Variants in SART3 observed in about 807,000 individuals in gnomAD.
SART3 encodes HIV-1 Tat-interacting protein of 110kDa.
A neutral mutation model predicts 122.3 loss-of-function variants in SART3; 44 were observed. The observed-to-expected ratio is 0.36, with a 90% confidence interval of 0.28 to 0.46. SART3 has a LOEUF of 0.46. Among genes scored for constraint, SART3 ranks in the 20% least tolerant of loss-of-function variants. SART3 has a pLI of 1.00. For synonymous variants in SART3, 442 were observed against 454.0 expected, an observed-to-expected ratio of 0.97 and a Z score of 0.34; for missense variants, 1,101 against 1,229.0, an observed-to-expected ratio of 0.90 and a Z score of 1.56.
chr12:108,547,340 G>A (rs1031251121), intron 3 of SART3, among the ~76,000 whole-genome samples: 4 of 151,944 alleles, frequency 2.6e-5, no homozygotes, highest in African/African-American at 9.7e-5. Context: ...CTGGACTGCA[G>A]CAGTGGTTAG....
intron 1 of SART3, among the ~76,000 whole-genome samples, chr12:108,557,836 A>G (rs1331847140): frequency 6.6e-6 from 1 of 152,222 alleles, no homozygotes; most frequent in Admixed American, 6.5e-5. Flanking sequence ...TGCTTTTGTT[A>G]GACAGATACC....
rs905946224 is a variant in SART3 at position 108,523,398 on chromosome 12, G to T, written c.*59C>A. 1.3e-5 allele frequency: 21 copies of T among 1,563,950 alleles called. No individual in the cohort carries two copies. In the African/African-American group the frequency reaches 2.4e-4, roughly 18 times the overall value. On this transcript the variant is annotated 3_prime_UTR_variant, in exon 19 of 19. Transcript: ENST00000546815. ...GTCCATCCCCAGTGCACTGCTGGGTGGTGGGAGGTCCGCCGGGCCAGAGTG... is the reference window on the plus strand; with the variant it reads ...GTCCATCCCCAGTGCACTGCTGGGTTGTGGGAGGTCCGCCGGGCCAGAGTG...
intron 17 of SART3, among the ~76,000 whole-genome samples, chr12:108,525,117 G>A (rs547544920): frequency 1.3e-5 from 2 of 152,318 alleles, no homozygotes; most frequent in South Asian, 2.1e-4. Context: ...GAGAGGCCTG[G>A]GACAGAGGGA....
rs1417169766 is a variant in SART3 at position 108,537,581 on chromosome 12, C to A, written c.1216G>T (p.Ala406Ser). Reference protein sequence around the residue: ...HQVISVTFEKALNAGFIQATD... With the variant: ...HQVISVTFEKSLNAGFIQATD... Reference sequence around the variant, plus strand: ...GCCTGGATGAAGCCGGCATTCAAAGCTTTCTCGAAGGTTACTGGAGTTGGA... The same window carrying A: ...GCCTGGATGAAGCCGGCATTCAAAGATTTCTCGAAGGTTACTGGAGTTGGA... The change falls in exon 9 of 19, where the codon GCT (alanine) becomes TCT (serine). Residue 406 changes from alanine (A) to serine (S), a missense_variant. Transcript: ENST00000546815. 6.2e-7 allele frequency: 1 copy of A among 1,614,024 alleles called. No homozygotes were observed. Among genetic ancestry groups the A allele is most frequent in the Non-Finnish European group, 8.5e-7 (1 of 1,179,914 alleles).
intron 1 of SART3, among the ~76,000 whole-genome samples, chr12:108,550,650 C>G (rs1385890083): frequency 2.6e-5 from 4 of 152,160 alleles, no homozygotes; most frequent in Non-Finnish European, 5.9e-5. Flanking sequence ...ATCATGAGGT[C>G]AGGAGTTCAA....
At chr12:108,530,934 G>A (rs909421487) in intron 14 of SART3, among the ~76,000 whole-genome samples, 1 of 152,016 alleles carries the variant, frequency 6.6e-6, no homozygotes, top group African/African-American at 2.4e-5. Context: ...GCTAAGTGAG[G>A]CTCTTCTTTA....
At chr12:108,544,622 G>T in intron 4 of SART3, 144 bp from the exon 5 acceptor site, 2 of 1,144,494 alleles carry the variant, frequency 1.7e-6, no homozygotes, top group Non-Finnish European at 1.3e-6. Flanking sequence ...GCTGGAGTGT[G>T]GTGGTGTGAT....
Position 108,523,444 on chromosome 12 carries a change from C to T in SART3, c.*13G>A, listed in dbSNP as rs767336118. 6.2e-7 allele frequency: 1 copy of T among 1,611,992 alleles called. No individual in the cohort carries two copies. The highest frequency in any genetic ancestry group is 1.1e-5 in the South Asian group (1 of 90,998). On this transcript the variant is annotated 3_prime_UTR_variant, in exon 19 of 19. Transcript: ENST00000546815. ...GAGTGAAGTAAGGCATTTCCTGTCT[C>T]CCAGCGTCCCGTTCACTTTCTCAGA...
intron 18 of SART3, 123 bp from the exon 19 acceptor site, chr12:108,523,757 A>G (rs1401524806): frequency 3.6e-6 from 3 of 842,944 alleles, no homozygotes; most frequent in Non-Finnish European, 5.8e-6. Flanking sequence ...AAAAAAAAGG[A>G]TAAGATAATC....
chr12:108,542,949 A>C, intron 6 of SART3, 79 bp downstream of exon 6: 1 of 1,551,854 alleles, frequency 6.4e-7, no homozygotes, highest in Non-Finnish European at 8.9e-7. Flanking sequence ...AACATTTTAA[A>C]GATACTGTTT....
intron 1 of SART3, among the ~76,000 whole-genome samples, chr12:108,559,226 A>G (rs1044519707): frequency 6.6e-6 from 1 of 152,206 alleles, no homozygotes; most frequent in Non-Finnish European, 1.5e-5. Flanking sequence ...TTTAATGAGT[A>G]AACTAGATTA....
chr12:108,523,344 T>C lies in SART3; in HGVS notation c.*113A>G. On this transcript the variant is annotated 3_prime_UTR_variant, in exon 19 of 19. Coordinates refer to ENST00000546815, the MANE Select transcript of SART3 (RefSeq NM_014706.4). ...CTGTCTAAAGCCGAGGAGCCATCTG[T>C]GGTTGCGAGCACGCAGCACACCAGG... The C allele has an allele frequency of 9.2e-7, 1 of 1,088,960 alleles. No homozygotes were observed. Among genetic ancestry groups the C allele is most frequent in the East Asian group, 2.3e-5 (1 of 42,554 alleles). The allele number at this position is 1,088,960 out of a possible 1,614,324, so 67.5% of individuals were successfully genotyped here.
At chr12:108,532,024 C>A in intron 13 of SART3, 198 bp downstream of exon 13, 1 of 592,794 alleles carries the variant, frequency 1.7e-6, no homozygotes. Context: ...ATCACAGAGT[C>A]CTCCTTGTAG....
At chr12:108,536,078 C>T (rs1032343904) in intron 11 of SART3, among the ~76,000 whole-genome samples, 6 of 152,164 alleles carry the variant, frequency 3.9e-5, no homozygotes, top group African/African-American at 1.4e-4. Flanking sequence ...ACATTCAAGT[C>T]ATCATATCCT....
rs1338588392 is a variant in SART3, at chr12:108,531,207, C to A, written c.1743G>T (p.Met581Ile). 9.9e-6 allele frequency: 16 copies of A among 1,613,748 alleles called. No individual in the cohort carries two copies. The highest frequency in any genetic ancestry group is 1.4e-5 in the Non-Finnish European group (16 of 1,179,796). ...AGACTTCAAACATTGTCATTACCTT[C>A]ATTCTCTGCTCATTGACACGAGCTA... ...TRLARVNEQR[M>I]KAAEKEAALV... Residue 581 changes from methionine to isoleucine, a missense_variant, in exon 14 of 19, where the codon ATG becomes ATT. By Grantham distance (10) the Met-to-Ile change is conservative. Coordinates refer to ENST00000546815, the MANE Select transcript of SART3 (RefSeq NM_014706.4).
intron 3 of SART3, among the ~76,000 whole-genome samples, chr12:108,546,538 T>G (rs1659220109): frequency 9.8e-6 from 1 of 101,632 alleles, no homozygotes; most frequent in Admixed American, 1.1e-4. Context: ...TTTTTTTTTT[T>G]GAGACAGAGT....
intron 1 of SART3, among the ~76,000 whole-genome samples, chr12:108,552,220 A>C (rs2030035498): frequency 6.6e-6 from 1 of 152,148 alleles, no homozygotes; most frequent in Non-Finnish European, 1.5e-5. Flanking sequence ...ATCTATAAAA[A>C]ATCTATCCCA....
At chr12:108,550,010 T>C (rs1488633202) in intron 1 of SART3, among the ~76,000 whole-genome samples, 4 of 36,242 alleles carry the variant, frequency 1.1e-4, no homozygotes, top group Admixed American at 5.0e-4. Flanking sequence ...CAAGACCCAA[T>C]CTCAAAAAAA....
intron 1 of SART3, among the ~76,000 whole-genome samples, chr12:108,554,502 A>G (rs907777755): frequency 6.6e-6 from 1 of 152,116 alleles, no homozygotes; most frequent in African/African-American, 2.4e-5. Context: ...GGAAAAAAAC[A>G]TGATTACCTC....
Sources: allele counts gnomAD v4.1 joint callset (sites outside exome capture counted in the v4.1 genomes callset), GRCh38; gene constraint gnomAD v4.1.1; transcripts MANE v1.5; gene names NCBI Gene and HGNC (gene_info 2026-07-23, HGNC 2026-07-21).